Variants in DPYD observed in about 807,000 individuals in gnomAD.
The protein encoded by DPYD is dihydropyrimidine dehydrogenase [NADP(+)].
A neutral mutation model predicts 116.2 loss-of-function variants in DPYD; 109 were observed. The observed-to-expected ratio is 0.94, with a 90% confidence interval of 0.80 to 1.10. DPYD has a LOEUF of 1.10. Among genes scored for constraint, DPYD ranks in the 50% least tolerant of loss-of-function variants. The pLI, the probability that DPYD is intolerant of heterozygous loss-of-function variation, is 0.00. For missense variants in DPYD, 1,302 were observed against 1,254.5 expected (o/e 1.04, Z -0.57); for synonymous variants, 440 against 432.0 (o/e 1.02, Z -0.23).
intron 18 of DPYD, among the ~76,000 whole-genome samples, chr1:97,237,241 C>CAAAAAAAAAAAAA (rs58926889): frequency 1.2e-4 from 7 of 57,694 alleles, no homozygotes; most frequent in African/African-American, 4.7e-4. Flanking sequence ...GATTCTGTCT[C>CAAAAAAAAAAAAA]AAAAAAAAAA....
chr1:97,887,469 T>TAAAA lies in DPYD; in HGVS notation c.40-4099_40-4096dup, dbSNP rs57316508. Among the ~76,000 whole-genome samples, 188 of 47,130 alleles carry TAAAA rather than the reference T, an allele frequency of 4.0e-3. 5 individuals carry two copies. The highest frequency in any genetic ancestry group is 0.013 in the African/African-American group (157 of 11,872). 30.9% of individuals were successfully genotyped at this position (47,130 alleles called of 152,430 possible). On this transcript the variant is annotated intron_variant, in intron 1 of 22. Transcript: ENST00000370192. The stretch of plus-strand genomic sequence containing the variant: ...TGGGTGACAAAGTGAGACTCTGCAT[T>TAAAA]AAAAAAAAAAAAAAAAAAAAAAAAA...
intron 2 of DPYD, among the ~76,000 whole-genome samples, chr1:97,831,546 A>G (rs1216755498): frequency 6.6e-6 from 1 of 152,140 alleles, no homozygotes; most frequent in East Asian, 1.9e-4. Flanking sequence ...TTTCAGTGGT[A>G]AGTATCACAT....
intron 13 of DPYD, among the ~76,000 whole-genome samples, chr1:97,506,942 CAGT>C (rs1647380597): frequency 6.6e-6 from 1 of 151,970 alleles, no homozygotes; most frequent in Non-Finnish European, 1.5e-5. Flanking sequence ...TAAGGATAGA[CAGT>C]GGTGTATTCA....
chr1:97,645,825 C>G (rs1373095026), intron 8 of DPYD, among the ~76,000 whole-genome samples: 2 of 152,058 alleles, frequency 1.3e-5, no homozygotes, highest in African/African-American at 4.8e-5. Flanking sequence ...CAAGAACAGT[C>G]TCCAAAAAAC....
chr1:97,783,407 AT>A (rs1045214899), intron 3 of DPYD, among the ~76,000 whole-genome samples: 1 of 151,626 alleles, frequency 6.6e-6, no homozygotes, highest in African/African-American at 2.4e-5. Flanking sequence ...TTACTTATTT[AT>A]TTTTTTGAGA....
chr1:97,099,669 A>G (rs1650521563), intron 20 of DPYD, among the ~76,000 whole-genome samples: 1 of 152,036 alleles, frequency 6.6e-6, no homozygotes, highest in Non-Finnish European at 1.5e-5. Flanking sequence ...TATCTAGCTG[A>G]TGGAGGTTTG....
At chr1:97,903,352 C>T (rs1673455877) in intron 1 of DPYD, among the ~76,000 whole-genome samples, 2 of 151,776 alleles carry the variant, frequency 1.3e-5, no homozygotes, top group African/African-American at 4.8e-5. Flanking sequence ...TGATAACCCC[C>T]TAAAATGCAG....
At chr1:97,678,147 G>A (rs1660244592) in intron 8 of DPYD, among the ~76,000 whole-genome samples, 1 of 152,050 alleles carries the variant, frequency 6.6e-6, no homozygotes, top group Non-Finnish European at 1.5e-5. Flanking sequence ...AGATAATCAG[G>A]CATTAGTTAC....
At chr1:97,318,641 A>C (rs897273499) in intron 16 of DPYD, among the ~76,000 whole-genome samples, 1 of 151,878 alleles carries the variant, frequency 6.6e-6, no homozygotes, top group Non-Finnish European at 1.5e-5. Context: ...GAGACACTTT[A>C]ACACCCCACT....
intron 12 of DPYD, among the ~76,000 whole-genome samples, chr1:97,531,838 C>A (rs1649648262): frequency 6.6e-6 from 1 of 151,990 alleles, no homozygotes; most frequent in African/African-American, 2.4e-5. Context: ...TATTTCATGT[C>A]CTTGATTCAG....
At chr1:97,890,599 T>C (rs563027606) in intron 1 of DPYD, among the ~76,000 whole-genome samples, 1 of 152,058 alleles carries the variant, frequency 6.6e-6, no homozygotes, top group African/African-American at 2.4e-5. Flanking sequence ...AGAAAAAAAG[T>C]GAAAACATTT....
intron 19 of DPYD, among the ~76,000 whole-genome samples, chr1:97,221,958 A>G (rs1660809402): frequency 1.3e-5 from 2 of 152,112 alleles, no homozygotes; most frequent in South Asian, 4.1e-4. Flanking sequence ...ATTTGGATGA[A>G]CAAGACACAG....
intron 20 of DPYD, among the ~76,000 whole-genome samples, chr1:97,122,029 T>C (rs1652479317): frequency 6.6e-6 from 1 of 152,116 alleles, no homozygotes; most frequent in Non-Finnish European, 1.5e-5. Context: ...CCAAGATTCT[T>C]GAATCTTGAA....
chr1:97,708,430 T>C (rs1409162745), intron 5 of DPYD, among the ~76,000 whole-genome samples: 3 of 152,124 alleles, frequency 2.0e-5, no homozygotes, highest in African/African-American at 7.2e-5. Context: ...ATATTGCCTT[T>C]GCTCTTTTGT....
At chr1:97,318,563 G>C (rs1668013020) in intron 16 of DPYD, among the ~76,000 whole-genome samples, 1 of 151,932 alleles carries the variant, frequency 6.6e-6, no homozygotes, top group African/African-American at 2.4e-5. Flanking sequence ...CAATACAGGA[G>C]CACCCAGATT....
intron 16 of DPYD, among the ~76,000 whole-genome samples, chr1:97,311,183 A>G (rs530412691): frequency 6.6e-6 from 1 of 151,744 alleles, no homozygotes; most frequent in Non-Finnish European, 1.5e-5. Flanking sequence ...ATTTGAAGAT[A>G]TTAAAATTAA....
chr1:97,143,020 G>A (rs1654342823), intron 20 of DPYD, among the ~76,000 whole-genome samples: 1 of 151,916 alleles, frequency 6.6e-6, no homozygotes, highest in Admixed American at 6.6e-5. Context: ...TTTCAGAAAT[G>A]TCTGGTAATA....
chr1:97,275,052 T>TGTAG (rs1664848069), intron 18 of DPYD, among the ~76,000 whole-genome samples: 1 of 152,008 alleles, frequency 6.6e-6, no homozygotes, highest in Non-Finnish European at 1.5e-5. Flanking sequence ...GCAGTATGCT[T>TGTAG]GTAGGTACCA....
chr1:97,744,924 C>T (rs954597466), intron 3 of DPYD, among the ~76,000 whole-genome samples: 2 of 151,856 alleles, frequency 1.3e-5, no homozygotes, highest in Admixed American at 6.6e-5. Context: ...GCTTCCAGAC[C>T]CTATCATAAT....
Sources: gnomAD v4.1 joint callset for allele counts (sites outside exome capture counted in the v4.1 genomes callset) on GRCh38, gnomAD v4.1.1 for gene constraint, MANE v1.5 for transcripts, NCBI Gene and HGNC (gene_info 2026-07-23, HGNC 2026-07-21) for gene names.